Variants in CCDC12 observed in about 807,000 individuals in gnomAD.
CCDC12 encodes coiled-coil domain-containing protein 12.
Under a neutral mutation model 25.7 loss-of-function variants are expected in CCDC12, and 28 were observed. That is an observed-to-expected ratio of 1.09 (90% CI 0.81 to 1.50). CCDC12 has a LOEUF of 1.50. CCDC12 is among the 40% of genes most tolerant of loss of function. The pLI, the probability that CCDC12 is intolerant of heterozygous loss-of-function variation, is 0.00. For missense variants in CCDC12, 198 were observed against 210.0 expected, an observed-to-expected ratio of 0.94 and a Z score of 0.35; for synonymous variants, 75 against 87.7, an observed-to-expected ratio of 0.86 and a Z score of 0.81.
intron 1 of CCDC12, among the ~76,000 whole-genome samples, chr3:46,957,457 T>C (rs1275751717): frequency 1.3e-5 from 2 of 152,170 alleles, no homozygotes; most frequent in Non-Finnish European, 2.9e-5. Flanking sequence ...AGTGGCTCGA[T>C]TTCTAAAACA....
At chr3:46,945,564 G>A (rs2033872382) in intron 1 of CCDC12, among the ~76,000 whole-genome samples, 2 of 152,168 alleles carry the variant, frequency 1.3e-5, no homozygotes, top group Non-Finnish European at 2.9e-5. Context: ...TTTTTATCAG[G>A]GACAAAACTG....
At chr3:46,929,287 CAAAA>C (rs2033105884) in intron 2 of CCDC12, among the ~76,000 whole-genome samples, 1 of 152,120 alleles carries the variant, frequency 6.6e-6, no homozygotes, top group African/African-American at 2.4e-5. Flanking sequence ...TAATTAAAAA[CAAAA>C]AAATCCAAAA....
intron 2 of CCDC12, among the ~76,000 whole-genome samples, chr3:46,935,409 G>T (rs973228953): frequency 3.3e-5 from 5 of 152,088 alleles, no homozygotes; most frequent in African/African-American, 1.2e-4. Context: ...CACAAGGCAG[G>T]GTGGCAATGG....
chr3:46,922,546 A>C, intron 5 of CCDC12: 1 of 581,908 alleles, frequency 1.7e-6, no homozygotes. Context: ...CACCCAACAC[A>C]AGGGACTGAG....
At position 46,923,316 on chromosome 3, in the gene CCDC12, G is replaced by A. The variant is rs746074966; in HGVS notation, c.341+13C>T. 1.8e-5 allele frequency: 26 copies of A among 1,478,950 alleles called. No individual in the cohort carries two copies. Among genetic ancestry groups the A allele is most frequent in the Middle Eastern group, 2.5e-4 (1 of 4,054 alleles). 91.6% of individuals were successfully genotyped at this position (1,478,950 alleles called of 1,614,324 possible). On this transcript the variant is annotated intron_variant, in intron 5 of 6. Transcript: ENST00000683445. ...GAGTCAGCCTGCACCCGCCACGCAC[G>A]GGCAACACTCACCAGTCAGGCTTCC...
intron 2 of CCDC12, among the ~76,000 whole-genome samples, chr3:46,932,185 G>A (rs1459900552): frequency 6.6e-6 from 1 of 152,138 alleles, no homozygotes; most frequent in African/African-American, 2.4e-5. Flanking sequence ...TTATTCCATA[G>A]AAATAGTAAC....
intron 1 of CCDC12, among the ~76,000 whole-genome samples, chr3:46,969,480 A>G (rs946075252): frequency 6.6e-6 from 1 of 152,086 alleles, no homozygotes; most frequent in Admixed American, 6.5e-5. Flanking sequence ...CGATCTGCCC[A>G]CTTTGGCCTC....
At chr3:46,973,191 C>A (rs1320684402) in intron 1 of CCDC12, among the ~76,000 whole-genome samples, 3 of 14,390 alleles carry the variant, frequency 2.1e-4, no homozygotes, top group Non-Finnish European at 0.012. Context: ...CCTGTCTCTA[C>A]TAAAATAAAA....
chr3:46,976,271 A>C, intron 1 of CCDC12: 1 of 1,068,258 alleles, frequency 9.4e-7, no homozygotes, highest in Non-Finnish European at 1.1e-6. Context: ...GGGGTTAAAG[A>C]CCAGCTAGGC....
chr3:46,973,129 T>C (rs1230350760), intron 1 of CCDC12, among the ~76,000 whole-genome samples: 1 of 150,142 alleles, frequency 6.7e-6, no homozygotes, highest in East Asian at 1.9e-4. Context: ...CCGAGGTGGG[T>C]GGATCACCTG....
chr3:46,950,733 C>T (rs138898116), intron 1 of CCDC12, among the ~76,000 whole-genome samples: 1 of 152,040 alleles, frequency 6.6e-6, no homozygotes, highest in Non-Finnish European at 1.5e-5. Flanking sequence ...AAAAGTGAGG[C>T]TCAAATGGAA....
At chr3:46,961,722 G>A (rs750042714) in intron 1 of CCDC12, among the ~76,000 whole-genome samples, 1 of 152,244 alleles carries the variant, frequency 6.6e-6, no homozygotes, top group South Asian at 2.1e-4. Context: ...GGACTTAGAA[G>A]CATGAAAAAA....
chr3:46,948,470 A>C (rs1449875729), intron 1 of CCDC12, among the ~76,000 whole-genome samples: 2 of 152,188 alleles, frequency 1.3e-5, no homozygotes, highest in African/African-American at 4.8e-5. Context: ...AGGAGCAGAA[A>C]CAACTGAGGT....
At chr3:46,956,985 A>G (rs2034308816) in intron 1 of CCDC12, among the ~76,000 whole-genome samples, 1 of 152,116 alleles carries the variant, frequency 6.6e-6, no homozygotes, top group African/African-American at 2.4e-5. Context: ...TTCCCAAGTT[A>G]TTCTATGGGC....
intron 1 of CCDC12, among the ~76,000 whole-genome samples, chr3:46,966,519 AAAAAAAAG>A (rs1450381368): frequency 6.6e-6 from 1 of 151,914 alleles, no homozygotes; most frequent in Non-Finnish European, 1.5e-5. Context: ...CTGTCTCAAA[AAAAAAAAG>A]AAAGAAAGAA....
chr3:46,932,182 A>G (rs1365905879), intron 2 of CCDC12, among the ~76,000 whole-genome samples: 1 of 152,160 alleles, frequency 6.6e-6, no homozygotes, highest in East Asian at 1.9e-4. Flanking sequence ...AAATTATTCC[A>G]TAGAAATAGT....
intron 1 of CCDC12, among the ~76,000 whole-genome samples, chr3:46,950,217 A>G (rs1344852884): frequency 6.6e-6 from 1 of 152,088 alleles, no homozygotes; most frequent in Non-Finnish European, 1.5e-5. Flanking sequence ...GCACTTAACA[A>G]GAACCCAGGA....
intron 1 of CCDC12, among the ~76,000 whole-genome samples, chr3:46,969,311 TTTTC>T (rs1412102354): frequency 2.0e-5 from 3 of 152,242 alleles, no homozygotes; most frequent in Admixed American, 6.5e-5. Context: ...CTGTGCATTT[TTTTC>T]TTTCTGTTTG....
chr3:46,927,842 T>G (rs1462764052), intron 2 of CCDC12, among the ~76,000 whole-genome samples: 1 of 152,176 alleles, frequency 6.6e-6, no homozygotes, highest in Non-Finnish European at 1.5e-5. Flanking sequence ...CCAGTCCCCT[T>G]AGCGTGGAGA....
Sources: gnomAD v4.1 joint callset for allele counts (sites outside exome capture counted in the v4.1 genomes callset) on GRCh38, gnomAD v4.1.1 for gene constraint, MANE v1.5 for transcripts, NCBI Gene and HGNC (gene_info 2026-07-23, HGNC 2026-07-21) for gene names.